Variants in ARIH2 observed in about 807,000 individuals in gnomAD.
ARIH2 encodes ariadne RBR E3 ubiquitin protein ligase 2, also known as E3 ubiquitin-protein ligase ARIH2.
ARIH2 carries 12 observed loss-of-function variants against 79.8 expected under a neutral mutation model. The observed-to-expected ratio is 0.15, with a 90% CI of 0.10 to 0.24. The LOEUF (loss-of-function observed/expected upper bound fraction) is 0.24, where lower values mean the gene tolerates loss of function less well. Ranked by LOEUF, ARIH2 falls within the 10% of genes least tolerant of loss-of-function variation. The pLI, the probability that ARIH2 is intolerant of heterozygous loss-of-function variation, is 1.00. For missense variants in ARIH2, 301 were observed against 618.3 expected, an observed-to-expected ratio of 0.49 and a Z score of 5.44; for synonymous variants, 224 against 213.9, an observed-to-expected ratio of 1.05 and a Z score of -0.41.
intron 3 of ARIH2, among the ~76,000 whole-genome samples, chr3:48,957,867 C>T (rs947168139): frequency 6.6e-6 from 1 of 152,090 alleles, no homozygotes; most frequent in Non-Finnish European, 1.5e-5. Context: ...AGGCACCTAC[C>T]ACCACACCCA....
intron 3 of ARIH2, among the ~76,000 whole-genome samples, chr3:48,937,769 C>T (rs902033307): frequency 2.0e-5 from 3 of 152,106 alleles, no homozygotes; most frequent in African/African-American, 7.2e-5. Flanking sequence ...TAAACCTGGC[C>T]AGGCGCGGTG....
At chr3:48,979,902 A>G (rs1282243479) in intron 12 of ARIH2, 2 of 354,504 alleles carry the variant, frequency 5.6e-6, no homozygotes, top group African/African-American at 2.1e-5. Context: ...AGTCTTTTCC[A>G]TCTAGTACCA....
chr3:48,973,856 T>G, intron 9 of ARIH2, 40 bp downstream of exon 9: 1 of 1,458,760 alleles, frequency 6.9e-7, no homozygotes, highest in Non-Finnish European at 9.6e-7. Flanking sequence ...TTGCCCTCCT[T>G]AGTGCTGCCC....
chr3:48,964,955 T>C lies in ARIH2; in HGVS notation c.360T>C (p.Ala120=), dbSNP rs2091627338. Residue 120 remains alanine (A), a synonymous_variant, in exon 5 of 16, where the codon GCT becomes GCC. Transcript: ENST00000356401. ...ATTCTGCTCAACTGCTTGTTGAGGCTCGAGTTCAGCCTAATCCATCAAAAC... is the reference window on the plus strand; with the variant it reads ...ATTCTGCTCAACTGCTTGTTGAGGCCCGAGTTCAGCCTAATCCATCAAAAC... ...KSNSAQLLVE[A]RVQPNPSKHV... The C allele has an allele frequency of 6.2e-7, 1 of 1,613,628 alleles. No individual in the cohort carries two copies. The highest frequency in any genetic ancestry group is 8.5e-7 in the Non-Finnish European group (1 of 1,179,778).
chr3:48,935,602 T>C (rs979030870), intron 3 of ARIH2, among the ~76,000 whole-genome samples: 2 of 152,240 alleles, frequency 1.3e-5, no homozygotes, highest in African/African-American at 4.8e-5. Context: ...TAATATAATA[T>C]GACCTCAGAT....
At chr3:48,975,737 G>A (rs1021984115) in intron 11 of ARIH2, among the ~76,000 whole-genome samples, 1 of 151,226 alleles carries the variant, frequency 6.6e-6, no homozygotes, top group South Asian at 2.1e-4. Context: ...GCTAATTTCT[G>A]TATTTTTAGT....
At chr3:48,953,359 G>C (rs1412386790) in intron 3 of ARIH2, among the ~76,000 whole-genome samples, 1 of 152,118 alleles carries the variant, frequency 6.6e-6, no homozygotes, top group East Asian at 1.9e-4. Context: ...GACCCCATAA[G>C]CTTTGAAAAG....
intron 12 of ARIH2, 22 bp from the exon 13 acceptor site, chr3:48,980,328 TTTC>T (rs769572377): frequency 5.4e-5 from 87 of 1,609,284 alleles, no homozygotes; most frequent in Admixed American, 5.0e-5. Flanking sequence ...CTCCTGTGGT[TTTC>T]TTCTTCTTCT....
At chr3:48,957,401 G>A (rs903101549) in intron 3 of ARIH2, among the ~76,000 whole-genome samples, 1 of 152,170 alleles carries the variant, frequency 6.6e-6, no homozygotes, top group South Asian at 2.1e-4. Flanking sequence ...TTGTTGAATG[G>A]CTACCCAGTG....
At chr3:48,933,429 C>T (rs930090623) in intron 3 of ARIH2, among the ~76,000 whole-genome samples, 6 of 151,766 alleles carry the variant, frequency 4.0e-5, no homozygotes. Context: ...TCCCAAAGTG[C>T]TGGGGTTACA....
intron 3 of ARIH2, among the ~76,000 whole-genome samples, chr3:48,948,356 C>T (rs1410622023): frequency 3.3e-5 from 5 of 152,016 alleles, no homozygotes; most frequent in Non-Finnish European, 5.9e-5. Flanking sequence ...GCAACCTTTG[C>T]GTCCCAGGTT....
At chr3:48,938,806 T>C (rs2087551048) in intron 3 of ARIH2, among the ~76,000 whole-genome samples, 1 of 151,038 alleles carries the variant, frequency 6.6e-6, no homozygotes, top group African/African-American at 2.4e-5. Flanking sequence ...CCGTGGACTC[T>C]GATCTGACTG....
intron 4 of ARIH2, among the ~76,000 whole-genome samples, chr3:48,963,723 G>A (rs1048814127): frequency 6.6e-6 from 1 of 152,132 alleles, no homozygotes; most frequent in African/African-American, 2.4e-5. Flanking sequence ...TGGTATATAG[G>A]TGTTCCTGAT....
At chr3:48,920,163 T>C (rs1489199078) in intron 1 of ARIH2, among the ~76,000 whole-genome samples, 2 of 151,870 alleles carry the variant, frequency 1.3e-5, no homozygotes, top group African/African-American at 4.8e-5. Flanking sequence ...AAATTTTTTG[T>C]GGATACGTGA....
At chr3:48,982,658 T>C (rs1042880453) in intron 14 of ARIH2, 1 of 472,400 alleles carries the variant, frequency 2.1e-6, no homozygotes, top group Non-Finnish European at 3.8e-6. Context: ...CCTTTGGGAG[T>C]GTGGAGGGTG....
intron 3 of ARIH2, among the ~76,000 whole-genome samples, chr3:48,938,559 A>G (rs1364111990): frequency 1.3e-5 from 2 of 152,240 alleles, no homozygotes; most frequent in Non-Finnish European, 2.9e-5. Context: ...CTAATCCATC[A>G]TAAAGGAAAG....
At chr3:48,936,153 T>C (rs532541549) in intron 3 of ARIH2, among the ~76,000 whole-genome samples, 10 of 152,312 alleles carry the variant, frequency 6.6e-5, no homozygotes, top group African/African-American at 1.2e-4. Flanking sequence ...GTTCTTGTTA[T>C]TGAGACACCT....
In ARIH2 at chr3:48,967,108, G is replaced by C; in HGVS notation, c.388-17G>C. 1 of 1,612,100 alleles carries C rather than the reference G, an allele frequency of 6.2e-7. No individual in the cohort carries two copies. The highest frequency in any genetic ancestry group is 1.1e-5 in the South Asian group (1 of 90,868). ...ACCTGACTCCTCTTTGGCTCATGTG[G>C]CTCTGTTTCTCTCCAGGTTCCCACA... On this transcript the variant is annotated splice_polypyrimidine_tract_variant and intron_variant, in intron 5 of 15. Coordinates refer to ENST00000356401, the MANE Select transcript of ARIH2 (RefSeq NM_006321.4).
chr3:48,950,531 C>T (rs1228558278), intron 3 of ARIH2, among the ~76,000 whole-genome samples: 1 of 152,128 alleles, frequency 6.6e-6, no homozygotes, highest in Non-Finnish European at 1.5e-5. Context: ...TACATTTCTA[C>T]AGATTTTGCA....
Sources: gnomAD v4.1 joint callset for allele counts (sites outside exome capture counted in the v4.1 genomes callset) on GRCh38, gnomAD v4.1.1 for gene constraint, MANE v1.5 for transcripts, NCBI Gene and HGNC (gene_info 2026-07-23, HGNC 2026-07-21) for gene names.